TET1: variants seen among roughly 807,000 people sequenced by gnomAD.
TET1 encodes the protein methylcytosine dioxygenase TET1.
A neutral mutation model predicts 148.7 loss-of-function variants in TET1; 13 were observed. That is an observed-to-expected ratio of 0.09 (90% CI 0.06 to 0.14). TET1 has a LOEUF of 0.14. Ranked by LOEUF, TET1 falls within the 10% of genes least tolerant of loss-of-function variation. TET1 has a pLI of 1.00. For missense variants in TET1, 2,182 were observed against 2,553.8 expected (o/e 0.85, Z 3.14); for synonymous variants, 907 against 937.2 (o/e 0.97, Z 0.59).
At chr10:68,670,482 T>C (rs1418940849) in intron 7 of TET1, among the ~76,000 whole-genome samples, 1 of 152,222 alleles carries the variant, frequency 6.6e-6, no homozygotes, top group African/African-American at 2.4e-5. Flanking sequence ...AGATGAAATA[T>C]AACCTGGACT....
chr10:68,576,078 G>T (rs2053727578), intron 2 of TET1, among the ~76,000 whole-genome samples: 1 of 151,668 alleles, frequency 6.6e-6, no homozygotes, highest in Admixed American at 6.6e-5. Context: ...TTGTGAGGCT[G>T]GTCATGGTGG....
At chr10:68,654,013 A>G (rs1490043316) in intron 6 of TET1, among the ~76,000 whole-genome samples, 5 of 149,734 alleles carry the variant, frequency 3.3e-5, no homozygotes, top group Non-Finnish European at 7.4e-5. Context: ...AGGCTGAGGC[A>G]GGAGAATCAC....
At chr10:68,616,683 A>G (rs898124700) in intron 3 of TET1, among the ~76,000 whole-genome samples, 1 of 151,906 alleles carries the variant, frequency 6.6e-6, no homozygotes, top group African/African-American at 2.4e-5. Flanking sequence ...TTACAGGTGC[A>G]TGTAAGTATG....
chr10:68,617,538 TTTTG>T (rs200190527), intron 3 of TET1, among the ~76,000 whole-genome samples: 7 of 152,064 alleles, frequency 4.6e-5, no homozygotes, highest in East Asian at 1.9e-4. Flanking sequence ...TCTTTGTTTT[TTTTG>T]TTTGTTTGTT....
intron 2 of TET1, among the ~76,000 whole-genome samples, chr10:68,580,066 T>G (rs536747136): frequency 6.6e-6 from 1 of 151,860 alleles, no homozygotes; most frequent in African/African-American, 2.4e-5. Flanking sequence ...GTAGCTGGGA[T>G]TACAGGTGCA....
chr10:68,675,323 A>G (rs931701499), intron 8 of TET1, among the ~76,000 whole-genome samples: 2 of 152,238 alleles, frequency 1.3e-5, no homozygotes, highest in African/African-American at 4.8e-5. Flanking sequence ...TAAGAAGGAT[A>G]AGATGTCAGT....
intron 2 of TET1, among the ~76,000 whole-genome samples, chr10:68,588,720 A>G (rs902068245): frequency 3.9e-5 from 6 of 152,144 alleles, no homozygotes; most frequent in Admixed American, 1.3e-4. Context: ...GAGTTTGTCA[A>G]TTCTACTGCT....
chr10:68,686,522 G>A lies in TET1; in HGVS notation c.5219G>A (p.Arg1740His), dbSNP rs763447831. ...GGGGCCATCGAGGTCCTGGCACCCC[G>A]CCGCAAAAAAAGAACGTGTTTCACT... ...KSGAIEVLAP[R>H]RKKRTCFTQP... The change falls in exon 11 of 12, where the codon CGC becomes CAC. Residue 1740 changes from arginine to histidine, a missense_variant. By Grantham distance (29) the Arg-to-His change is conservative. Coordinates refer to ENST00000373644, the MANE Select transcript of TET1 (RefSeq NM_030625.3). 17 of 1,614,016 alleles carry A rather than the reference G, an allele frequency of 1.1e-5. No individual in the cohort carries two copies. The highest frequency in any genetic ancestry group is 1.3e-5 in the African/African-American group (1 of 74,976).
At chr10:68,627,731 G>A (rs1156875505) in intron 3 of TET1, among the ~76,000 whole-genome samples, 2 of 151,102 alleles carry the variant, frequency 1.3e-5, no homozygotes, top group African/African-American at 4.9e-5. Context: ...TTCAAGACCA[G>A]CCTGGCCATC....
At chr10:68,675,395 C>A (rs1651331922) in intron 8 of TET1, among the ~76,000 whole-genome samples, 1 of 152,084 alleles carries the variant, frequency 6.6e-6, no homozygotes, top group African/African-American at 2.4e-5. Context: ...GAACAAACAT[C>A]AAATTTCTGG....
chr10:68,689,530 G>A (rs998493438), intron 11 of TET1, among the ~76,000 whole-genome samples: 6 of 151,616 alleles, frequency 4.0e-5, no homozygotes, highest in Admixed American at 3.9e-4. Context: ...GTGAAACCCC[G>A]TCTCTACTAA....
chr10:68,620,559 T>A (rs1267462557), intron 3 of TET1, among the ~76,000 whole-genome samples: 3 of 152,176 alleles, frequency 2.0e-5, no homozygotes, highest in Admixed American at 6.6e-5. Context: ...ATCCTCCAGT[T>A]GTTGGCCATT....
chr10:68,632,944 TA>T (rs375021561), intron 3 of TET1, among the ~76,000 whole-genome samples: 20 of 148,626 alleles, frequency 1.3e-4, no homozygotes, highest in Admixed American at 1.4e-4. Flanking sequence ...ATTTGAATTT[TA>T]AAAAAAAAAG....
rs745819070 is a variant in TET1 at position 68,572,971 on chromosome 10, T to C, written c.633T>C (p.Ala211=). The C allele has an allele frequency of 5.0e-6, 8 of 1,613,998 alleles. No individual in the cohort carries two copies. The highest frequency in any genetic ancestry group is 1.1e-5 in the South Asian group (1 of 91,076). The change falls in exon 2 of 12, where the codon GCT becomes GCC. Residue 211 remains alanine, a synonymous_variant. Transcript: ENST00000373644. ...TCCCTACCCACAGTGGCCCTGCAGC[T>C]GAGATCCTTCCTGGGCCACTGGAAG... ...INIPTHSGPA[A]EILPGPLEGT...
chr10:68,676,416 T>A (rs2055362974), intron 8 of TET1, among the ~76,000 whole-genome samples: 1 of 150,882 alleles, frequency 6.6e-6, no homozygotes, highest in Admixed American at 6.6e-5. Context: ...CCCAAGTGGC[T>A]GGGACTACAA....
chr10:68,574,804 A>G (rs979380439), intron 2 of TET1, among the ~76,000 whole-genome samples: 2 of 152,226 alleles, frequency 1.3e-5, no homozygotes, highest in Non-Finnish European at 2.9e-5. Context: ...TACCTGCTCT[A>G]CCAACCTCAT....
chr10:68,676,379 G>T (rs1352274046), intron 8 of TET1, among the ~76,000 whole-genome samples: 1 of 143,192 alleles, frequency 7.0e-6, no homozygotes, highest in Non-Finnish European at 1.5e-5. Context: ...CGCCTCCCAG[G>T]TTCACGCCAT....
At chr10:68,593,190 C>T (rs1192935576) in intron 2 of TET1, among the ~76,000 whole-genome samples, 1 of 144,608 alleles carries the variant, frequency 6.9e-6, no homozygotes, top group African/African-American at 2.6e-5. Context: ...TGAGATTGCG[C>T]CACTGCACTC....
intron 2 of TET1, among the ~76,000 whole-genome samples, chr10:68,595,977 C>T (rs377721014): frequency 0.38 from 22,253 of 58,324 alleles, 4,586 homozygotes; most frequent in South Asian, 0.49. Flanking sequence ...CACACACACA[C>T]ATATATACAC....
Sources: gnomAD v4.1 joint callset for allele counts (sites outside exome capture counted in the v4.1 genomes callset) on GRCh38, gnomAD v4.1.1 for gene constraint, MANE v1.5 for transcripts, NCBI Gene and HGNC (gene_info 2026-07-23, HGNC 2026-07-21) for gene names.